Variants in PRKG1 observed in about 807,000 individuals in gnomAD.
PRKG1 encodes protein kinase cGMP-dependent 1.
In PRKG1, 35 loss-of-function variants were observed where a neutral mutation model predicts 88.1. The observed-to-expected ratio is 0.40, with a 90% confidence interval of 0.30 to 0.53. PRKG1 has a LOEUF of 0.53. PRKG1 is among the 20% of genes least tolerant of loss of function. The pLI, the probability that PRKG1 is intolerant of heterozygous loss-of-function variation, is 0.59. For synonymous variants in PRKG1, 303 were observed against 292.5 expected (o/e 1.04, Z -0.37); for missense variants, 540 against 839.8 (o/e 0.64, Z 4.41).
Position 51,832,362 on chromosome 10 carries a change from G to T in PRKG1, c.698+27672G>T, listed in dbSNP as rs188172062. On this transcript the variant is annotated intron_variant, in intron 4 of 17. Transcript: ENST00000373980. ...ATATAGCATGTATATAAGATTCCTG[G>T]TCTACTTAATTATCTAAATCAAGGT... Among the ~76,000 whole-genome samples, 178 of 152,228 alleles carry T rather than the reference G, an allele frequency of 1.2e-3. 1 individual carries two copies. The highest frequency in any genetic ancestry group is 4.1e-3 in the African/African-American group (171 of 41,552).
intron 3 of PRKG1, among the ~76,000 whole-genome samples, chr10:51,758,172 TTTAA>T (rs1429967261): frequency 6.6e-6 from 1 of 152,188 alleles, no homozygotes; most frequent in African/African-American, 2.4e-5. Flanking sequence ...GATATTATTG[TTTAA>T]TTGTCCGTGT....
At position 51,074,803 on chromosome 10, in the gene PRKG1, G is replaced by C; in HGVS notation, c.213G>C (p.Glu71Asp). The change falls in exon 1 of 18, where the codon GAG becomes GAC. Residue 71 changes from glutamate to aspartate, a missense_variant. By Grantham distance (45) the Glu-to-Asp change is conservative. This residue lies in a region of PRKG1 where 400 missense variants were observed against 562.7 expected (regional missense o/e 0.71). Transcript: ENST00000373980. ...QKQSASTLQG[E>D]PRTKRQAISA... Reference sequence around the variant, plus strand: ...AGAGCGCGAGCACCTTGCAGGGCGAGCCGCGCACCAAGCGGCAGGCGATCT... The same window carrying C: ...AGAGCGCGAGCACCTTGCAGGGCGACCCGCGCACCAAGCGGCAGGCGATCT... The C allele has an allele frequency of 6.2e-7, 1 of 1,613,524 alleles. No homozygotes were observed. Among genetic ancestry groups the C allele is most frequent in the Non-Finnish European group, 8.5e-7 (1 of 1,179,744 alleles).
rs1340881403 is a variant in PRKG1 at position 51,944,497 on chromosome 10, C to A, written c.762+36927C>A. On this transcript the variant is annotated intron_variant, in intron 5 of 17. Transcript: ENST00000373980. ...TTAGTTATTTCTTGCCTTCTGCTAG[C>A]TTTTGAATGTGTTTGCTCTTACTTT... Among the ~76,000 whole-genome samples, 4 of 151,958 alleles carry A rather than the reference C, an allele frequency of 2.6e-5. No homozygotes were observed. The East Asian group carries it at 5.8e-4, about 22-fold the overall frequency.
At chr10:51,231,290 T>C (rs900548571) in intron 2 of PRKG1, among the ~76,000 whole-genome samples, 1 of 152,154 alleles carries the variant, frequency 6.6e-6, no homozygotes, top group African/African-American at 2.4e-5. Flanking sequence ...TAAGGGAAGG[T>C]AACATGAGTT....
chr10:52,243,308 A>T (rs1193322462), intron 9 of PRKG1, among the ~76,000 whole-genome samples: 1 of 152,236 alleles, frequency 6.6e-6, no homozygotes, highest in Non-Finnish European at 1.5e-5. Flanking sequence ...ATATAAGGAC[A>T]TTACAAAAAC....
intron 2 of PRKG1, among the ~76,000 whole-genome samples, chr10:51,208,809 C>T (rs1838134037): frequency 6.6e-6 from 1 of 152,086 alleles, no homozygotes; most frequent in South Asian, 2.1e-4. Flanking sequence ...GGGAAATACT[C>T]CTAGGATTTT....
chr10:51,800,330 G>T (rs892949955), intron 3 of PRKG1, among the ~76,000 whole-genome samples: 3 of 152,032 alleles, frequency 2.0e-5, no homozygotes, highest in African/African-American at 7.2e-5. Context: ...TTGCAATGGG[G>T]TTATATCCTA....
At position 51,826,525 on chromosome 10, in the gene PRKG1, T is replaced by C. The variant is rs16923718; in HGVS notation, c.698+21835T>C. 1.2e-3 allele frequency among the ~76,000 whole-genome samples: 187 copies of C among 152,296 alleles called. 1 individual carries two copies. Among genetic ancestry groups the C allele is most frequent in the African/African-American group, 4.3e-3 (177 of 41,570 alleles). On this transcript the variant is annotated intron_variant, in intron 4 of 17. Transcript: ENST00000373980. ...GAGTTTTCTTAAGTACTGTGTTTAT[T>C]CCTTCACAAATGGATAAAAGCTATT...
intron 2 of PRKG1, among the ~76,000 whole-genome samples, chr10:51,314,767 T>C (rs986223597): frequency 1.3e-5 from 2 of 152,314 alleles, no homozygotes; most frequent in South Asian, 4.1e-4. Flanking sequence ...GCTTTTCTTA[T>C]GAGGACTGAA....
At chr10:51,421,295 C>T (rs952229515) in intron 2 of PRKG1, among the ~76,000 whole-genome samples, 10 of 152,088 alleles carry the variant, frequency 6.6e-5, no homozygotes, top group South Asian at 4.1e-4. Flanking sequence ...CCTCAGCCTC[C>T]CAAGTATTTA....
chr10:52,150,172 A>AGAAT (rs1837868738), intron 8 of PRKG1, among the ~76,000 whole-genome samples: 1 of 143,326 alleles, frequency 7.0e-6, no homozygotes, highest in African/African-American at 2.6e-5. Context: ...AATAATAATA[A>AGAAT]TAATAATAAT....
rs1326756722 is a variant in PRKG1, at chr10:52,120,736, CTT to C, written c.936-13102_936-13101del. On this transcript the variant is annotated intron_variant, in intron 7 of 17. Coordinates refer to ENST00000373980, the MANE Select transcript of PRKG1 (RefSeq NM_006258.4). ...ACCTCAGGCAGCCCCGCCCCTGTGT[CTT>C]TGCTGGCTTTAGTCCGCCCTGTCAG... Among the ~76,000 whole-genome samples, 3 of 152,160 alleles carry C rather than the reference CTT, an allele frequency of 2.0e-5. No individual in the cohort carries two copies. In the East Asian group the frequency reaches 5.8e-4, roughly 29 times the overall value.
At chr10:52,078,655 A>G (rs191596567) in intron 7 of PRKG1, among the ~76,000 whole-genome samples, 18 of 152,334 alleles carry the variant, frequency 1.2e-4, no homozygotes, top group Admixed American at 2.0e-4. Context: ...TTCTTATTCA[A>G]AGGAAGACTG....
chr10:51,069,474 A>G (rs1414620782), intron 1 of PRKG1, among the ~76,000 whole-genome samples: 1 of 152,050 alleles, frequency 6.6e-6, no homozygotes, highest in Non-Finnish European at 1.5e-5. Flanking sequence ...GTTTCTGTAA[A>G]AACAATAAAG....
intron 9 of PRKG1, among the ~76,000 whole-genome samples, chr10:52,211,019 C>T (rs1449477172): frequency 6.6e-6 from 1 of 152,154 alleles, no homozygotes; most frequent in African/African-American, 2.4e-5. Context: ...ATATAGTAAA[C>T]ATTTACTGAA....
At chr10:51,448,088 C>G (rs1158301113) in intron 2 of PRKG1, among the ~76,000 whole-genome samples, 1 of 151,720 alleles carries the variant, frequency 6.6e-6, no homozygotes, top group African/African-American at 2.4e-5. Flanking sequence ...CACACACTCA[C>G]AAATACAAAA....
intron 9 of PRKG1, among the ~76,000 whole-genome samples, chr10:52,232,838 G>A (rs975155752): frequency 2.0e-5 from 3 of 152,170 alleles, no homozygotes; most frequent in Non-Finnish European, 4.4e-5. Flanking sequence ...CTCCAGTTCA[G>A]CAATTTCCTG....
At chr10:52,241,226 T>C (rs937577580) in intron 9 of PRKG1, among the ~76,000 whole-genome samples, 7 of 152,162 alleles carry the variant, frequency 4.6e-5, no homozygotes, top group African/African-American at 1.7e-4. Flanking sequence ...TGGTATTATT[T>C]TCCCGAAGCA....
intron 5 of PRKG1, among the ~76,000 whole-genome samples, chr10:52,054,132 G>C (rs552073169): frequency 6.6e-6 from 1 of 152,172 alleles, no homozygotes; most frequent in African/African-American, 2.4e-5. Flanking sequence ...GAATTTAAAG[G>C]TATGATGTAA....
Sources: gnomAD v4.1 joint callset for allele counts (sites outside exome capture counted in the v4.1 genomes callset) on GRCh38, gnomAD v4.1.1 for gene constraint, gnomAD v4.1.1 regional missense constraint, MANE v1.5 for transcripts, NCBI Gene and HGNC (gene_info 2026-07-23, HGNC 2026-07-21) for gene names.